The following ADAM12 variants were observed in gnomAD, a reference collection of about 807,000 sequenced individuals.
The protein encoded by ADAM12 is disintegrin and metalloproteinase domain-containing protein 12.
In ADAM12, 70 loss-of-function variants were observed where a neutral mutation model predicts 106.4. The ratio of observed to expected loss-of-function variants is 0.66; its 90% CI spans 0.54 to 0.80. The LOEUF (loss-of-function observed/expected upper bound fraction) is 0.80. ADAM12 is among the 30% of genes least tolerant of loss of function. The pLI is 0.00. For missense variants in ADAM12, 1,010 were observed against 1,171.9 expected, an observed-to-expected ratio of 0.86 and a Z score of 2.02; for synonymous variants, 420 against 433.5, an observed-to-expected ratio of 0.97 and a Z score of 0.39.
At chr10:126,083,540 T>G (rs1469014589) in intron 11 of ADAM12, among the ~76,000 whole-genome samples, 4 of 151,894 alleles carry the variant, frequency 2.6e-5, no homozygotes, top group African/African-American at 4.8e-5. Context: ...ACACCCAAGG[T>G]TCTACACTTC....
intron 5 of ADAM12, among the ~76,000 whole-genome samples, chr10:126,120,236 A>G (rs910593960): frequency 2.6e-5 from 4 of 152,228 alleles, no homozygotes; most frequent in African/African-American, 7.2e-5. Flanking sequence ...ATCAACTGAC[A>G]AAAGGCAGAA....
chr10:126,121,130 A>AGTATATATAGT (rs369707256), intron 5 of ADAM12, among the ~76,000 whole-genome samples: 5 of 75,592 alleles, frequency 6.6e-5, no homozygotes, highest in African/African-American at 6.2e-5. Context: ...TAGTATATAT[A>AGTATATATAGT]CTATATACTA....
intron 1 of ADAM12, among the ~76,000 whole-genome samples, chr10:126,351,686 C>G (rs992112746): frequency 3.3e-5 from 5 of 152,122 alleles, no homozygotes; most frequent in South Asian, 2.1e-4. Flanking sequence ...GAAAACACCC[C>G]CTGGTTGATG....
At chr10:126,065,773 C>T (rs962625127) in intron 13 of ADAM12, among the ~76,000 whole-genome samples, 9 of 152,168 alleles carry the variant, frequency 5.9e-5, no homozygotes, top group Non-Finnish European at 1.2e-4. Flanking sequence ...AAGTGAACCA[C>T]AATCAGGCAT....
rs73378638 is a variant in ADAM12 at position 126,112,597 on chromosome 10, C to T, written c.604-2757G>A. Among the ~76,000 whole-genome samples the T allele has an allele frequency of 5.6e-3, 848 of 152,172 alleles. 7 individuals are homozygous for T. The highest frequency in any genetic ancestry group is 0.018 in the African/African-American group (759 of 41,516). On this transcript the variant is annotated intron_variant, in intron 6 of 22. Transcript: ENST00000448723. ...CAAGTTCCCCAGGATAAATAACCCC[C>T]GATCAGCCTGCAATGAGGACTCTGG...
intron 4 of ADAM12, 116 bp downstream of exon 4, chr10:126,155,111 G>A (rs117234790): frequency 8.8e-7 from 1 of 1,135,652 alleles, no homozygotes; most frequent in African/African-American, 1.6e-5. Context: ...GCGCTTCTTG[G>A]GGGGGCCTAA....
At chr10:126,344,568 T>G (rs924873544) in intron 1 of ADAM12, among the ~76,000 whole-genome samples, 2 of 152,312 alleles carry the variant, frequency 1.3e-5, no homozygotes, top group Non-Finnish European at 1.5e-5. Context: ...AGAAAGTCAT[T>G]GGTAGTTTGA....
chr10:126,120,978 C>A (rs12764554), intron 5 of ADAM12, among the ~76,000 whole-genome samples: 5 of 31,054 alleles, frequency 1.6e-4, no homozygotes, highest in Non-Finnish European at 2.5e-4. Context: ...ATTACATATG[C>A]AATATAGCAT....
At chr10:126,314,561 A>G (rs1590768774) in intron 2 of ADAM12, among the ~76,000 whole-genome samples, 1 of 152,212 alleles carries the variant, frequency 6.6e-6, no homozygotes, top group African/African-American at 2.4e-5. Context: ...GAGATACGAC[A>G]TGGACATTTT....
intron 17 of ADAM12, among the ~76,000 whole-genome samples, chr10:126,044,296 A>C (rs1447417629): frequency 6.6e-6 from 1 of 151,866 alleles, no homozygotes; most frequent in East Asian, 1.9e-4. Flanking sequence ...AAAAAAGTTA[A>C]AAAAAATTAG....
intron 3 of ADAM12, among the ~76,000 whole-genome samples, chr10:126,181,067 T>C (rs971373044): frequency 6.9e-6 from 1 of 145,812 alleles, no homozygotes; most frequent in African/African-American, 2.8e-5. Flanking sequence ...TTGTGCTACA[T>C]AGGGATTTTT....
At chr10:126,090,269 G>A (rs1445477864) in intron 11 of ADAM12, among the ~76,000 whole-genome samples, 2 of 143,738 alleles carry the variant, frequency 1.4e-5, no homozygotes, top group Non-Finnish European at 3.0e-5. Context: ...CACCCGAGGA[G>A]ATGGCCCTAT....
chr10:126,357,435 T>C (rs1855581299), intron 1 of ADAM12, among the ~76,000 whole-genome samples: 2 of 152,012 alleles, frequency 1.3e-5, no homozygotes, highest in Non-Finnish European at 2.9e-5. Flanking sequence ...TAAGCAGAGA[T>C]TGAATGCATA....
Position 126,189,751 on chromosome 10 carries a change from A to G in ADAM12, c.261-34446T>C, listed in dbSNP as rs114309659. 6.5e-3 allele frequency among the ~76,000 whole-genome samples: 983 copies of G among 152,092 alleles called. 9 individuals are homozygous for G. The highest frequency in any genetic ancestry group is 0.022 in the African/African-American group (898 of 41,506). On this transcript the variant is annotated intron_variant, in intron 3 of 22. Transcript: ENST00000448723. ...CTGTGGAGCCCATGCTTTAAGCCCCACAAGCTGTCCCTCGCCTCAGTGGCT... is the reference window on the plus strand; with the variant it reads ...CTGTGGAGCCCATGCTTTAAGCCCCGCAAGCTGTCCCTCGCCTCAGTGGCT...
At position 126,352,746 on chromosome 10, in the gene ADAM12, G is replaced by A. The variant is rs181656151; in HGVS notation, c.89-22237C>T. ...ACCCCATTCTGCTGAGCAGGGGAAG[G>A]GCTGGGTGGGAAGTGAGCCTTGGAG... On this transcript the variant is annotated intron_variant, in intron 1 of 22. Transcript: ENST00000448723. Among the ~76,000 whole-genome samples the A allele has an allele frequency of 4.4e-3, 677 of 152,330 alleles. 8 individuals are homozygous for A. Among genetic ancestry groups the A allele is most frequent in the African/African-American group, 0.015 (640 of 41,566 alleles).
intron 3 of ADAM12, among the ~76,000 whole-genome samples, chr10:126,224,278 G>C (rs1958150631): frequency 6.6e-6 from 1 of 152,180 alleles, no homozygotes; most frequent in Admixed American, 6.5e-5. Context: ...GGTCCTGCAG[G>C]CTCCAAGCTG....
chr10:126,034,283 C>T (rs1278248), intron 21 of ADAM12, among the ~76,000 whole-genome samples: 3,136 of 152,226 alleles, frequency 0.021, 93 homozygotes, highest in African/African-American at 0.068. Flanking sequence ...ACACATGTTA[C>T]TTCCATCTAG....
intron 3 of ADAM12, among the ~76,000 whole-genome samples, chr10:126,161,463 G>A (rs1010209388): frequency 2.6e-5 from 4 of 152,178 alleles, no homozygotes; most frequent in Non-Finnish European, 4.4e-5. Context: ...CTTACAGGAT[G>A]GTCAAGCAAT....
chr10:126,051,378 ACTTC>A (rs1265792971), intron 14 of ADAM12, among the ~76,000 whole-genome samples: 2 of 148,698 alleles, frequency 1.3e-5, no homozygotes, highest in Non-Finnish European at 3.0e-5. Context: ...TTCCCTTCCT[ACTTC>A]CTTCCATCAT....
Sources: gnomAD v4.1 joint callset for allele counts (sites outside exome capture counted in the v4.1 genomes callset) on GRCh38, gnomAD v4.1.1 for gene constraint, MANE v1.5 for transcripts, NCBI Gene and HGNC (gene_info 2026-07-23, HGNC 2026-07-21) for gene names.